Variants in RIMS2 observed in about 807,000 individuals in gnomAD.
RIMS2 encodes the protein regulating synaptic membrane exocytosis protein 2.
A neutral mutation model predicts 174.4 loss-of-function variants in RIMS2; 59 were observed. The observed-to-expected ratio is 0.34, with a 90% CI of 0.27 to 0.42. The LOEUF is 0.42. RIMS2 is among the 10% of genes least tolerant of loss of function. The pLI is 1.00. For missense variants in RIMS2, 1,620 were observed against 1,666.3 expected, an observed-to-expected ratio of 0.97 and a Z score of 0.48; for synonymous variants, 606 against 572.5, an observed-to-expected ratio of 1.06 and a Z score of -0.84.
At chr8:103,609,141 A>G (rs900513588) in intron 1 of RIMS2, among the ~76,000 whole-genome samples, 6 of 152,132 alleles carry the variant, frequency 3.9e-5, no homozygotes, top group Non-Finnish European at 8.8e-5. Flanking sequence ...CTTGTTGGCC[A>G]CATGTATGTC....
At chr8:104,054,354 G>A (rs976272974) in intron 19 of RIMS2, among the ~76,000 whole-genome samples, 2 of 152,078 alleles carry the variant, frequency 1.3e-5, no homozygotes, top group Admixed American at 6.5e-5. Flanking sequence ...ATCAGCGGCA[G>A]CATCTTGGGA....
chr8:103,552,990 T>C (rs1180828258), intron 1 of RIMS2, among the ~76,000 whole-genome samples: 1 of 152,208 alleles, frequency 6.6e-6, no homozygotes, highest in Non-Finnish European at 1.5e-5. Flanking sequence ...ACTTTTACAC[T>C]GTTGGTGGGA....
At chr8:103,623,913 A>G (rs535070902) in intron 1 of RIMS2, among the ~76,000 whole-genome samples, 4 of 151,804 alleles carry the variant, frequency 2.6e-5, no homozygotes, top group African/African-American at 9.7e-5. Flanking sequence ...GCACAAGGGT[A>G]CAAGAGAGAT....
chr8:103,562,304 A>G lies in RIMS2; in HGVS notation c.176+61242A>G, dbSNP rs536875557. 5.3e-5 allele frequency among the ~76,000 whole-genome samples: 8 copies of G among 152,374 alleles called. No homozygotes were observed. In the East Asian group the frequency reaches 1.5e-3, roughly 29 times the overall value. ...CTGTAAAATCAGAAGCAAATTAGTT[A>G]CTTCCTAGATACAGTGGGAGTACAG... On this transcript the variant is annotated intron_variant, in intron 1 of 23. Coordinates refer to ENST00000504942, the Ensembl canonical transcript of RIMS2.
At chr8:103,866,560 C>G (rs532314045) in intron 3 of RIMS2, among the ~76,000 whole-genome samples, 9 of 152,042 alleles carry the variant, frequency 5.9e-5, no homozygotes, top group Non-Finnish European at 1.0e-4. Flanking sequence ...ACAGTCATTT[C>G]TCTTCAGAGA....
intron 3 of RIMS2, among the ~76,000 whole-genome samples, chr8:103,803,568 T>C (rs1224064405): frequency 6.6e-6 from 1 of 152,194 alleles, no homozygotes; most frequent in African/African-American, 2.4e-5. Context: ...TTCTAAGTTA[T>C]GTACAATGAG....
intron 3 of RIMS2, among the ~76,000 whole-genome samples, chr8:103,800,168 C>G (rs959386538): frequency 4.6e-5 from 7 of 152,034 alleles, no homozygotes. Context: ...CACTTTTTAG[C>G]TCTCTGTTCT....
chr8:103,520,550 A>G (rs1320262351), intron 1 of RIMS2, among the ~76,000 whole-genome samples: 3 of 152,150 alleles, frequency 2.0e-5, no homozygotes, highest in East Asian at 3.8e-4. Context: ...ACAGAGTGTC[A>G]TCTTTGCTCT....
At chr8:103,675,567 A>C (rs899998235) in intron 1 of RIMS2, among the ~76,000 whole-genome samples, 4 of 152,188 alleles carry the variant, frequency 2.6e-5, no homozygotes, top group African/African-American at 7.2e-5. Context: ...CCGTCAAATT[A>C]AACAAGTATT....
At chr8:103,765,956 CTAAT>C (rs1268834068) in intron 2 of RIMS2, among the ~76,000 whole-genome samples, 2 of 151,774 alleles carry the variant, frequency 1.3e-5, no homozygotes, top group Non-Finnish European at 2.9e-5. Flanking sequence ...TTAAATAAAA[CTAAT>C]TAAATAATAC....
intron 19 of RIMS2, among the ~76,000 whole-genome samples, chr8:104,241,997 T>C (rs1306862415): frequency 6.6e-6 from 1 of 152,136 alleles, no homozygotes; most frequent in Non-Finnish European, 1.5e-5. Context: ...TGGCCTCAAG[T>C]GATCTGCCTG....
chr8:104,012,957 C>T (rs1043488925), intron 17 of RIMS2, among the ~76,000 whole-genome samples: 4 of 152,090 alleles, frequency 2.6e-5, no homozygotes, highest in Admixed American at 2.6e-4. Flanking sequence ...TTTCTTATAA[C>T]CTCATTTTGA....
intron 1 of RIMS2, among the ~76,000 whole-genome samples, chr8:103,525,861 G>C (rs1322547939): frequency 6.6e-6 from 1 of 152,106 alleles, no homozygotes; most frequent in African/African-American, 2.4e-5. Context: ...TAGGCAATTT[G>C]GACTAACTCT....
chr8:103,501,155 C>T, intron 1 of RIMS2, 93 bp downstream of exon 1: 7 of 1,013,420 alleles, frequency 6.9e-6, no homozygotes, highest in Non-Finnish European at 6.7e-6. Context: ...AGTTCGCCGC[C>T]CTCCCTCCCG....
At chr8:104,179,108 G>T (rs573271288) in intron 19 of RIMS2, among the ~76,000 whole-genome samples, 2 of 152,018 alleles carry the variant, frequency 1.3e-5, no homozygotes, top group African/African-American at 4.8e-5. Context: ...AGAGACAGTG[G>T]CCTTTATTTT....
At chr8:103,795,437 G>C (rs1164795634) in intron 3 of RIMS2, among the ~76,000 whole-genome samples, 1 of 150,564 alleles carries the variant, frequency 6.6e-6, no homozygotes, top group Non-Finnish European at 1.5e-5. Context: ...ATGTTGTGGG[G>C]TGGGGGGAGG....
At chr8:103,797,440 T>C (rs867070704) in intron 3 of RIMS2, among the ~76,000 whole-genome samples, 3 of 152,308 alleles carry the variant, frequency 2.0e-5, no homozygotes, top group Middle Eastern at 3.4e-3. Flanking sequence ...TTAGAATGAA[T>C]TGAACTAAAT....
At chr8:103,696,978 C>A in intron 1 of RIMS2, 108 bp from the exon 4 acceptor site, 1 of 582,822 alleles carries the variant, frequency 1.7e-6, no homozygotes, top group Non-Finnish European at 3.1e-6. Context: ...TCTTTTTATT[C>A]TCATCTTGTA....
intron 19 of RIMS2, among the ~76,000 whole-genome samples, chr8:104,151,055 C>G (rs1356402547): frequency 6.6e-6 from 1 of 151,974 alleles, no homozygotes; most frequent in Non-Finnish European, 1.5e-5. Flanking sequence ...TATGATAATT[C>G]AGACAAAAGA....
Sources: allele counts gnomAD v4.1 joint callset (sites outside exome capture counted in the v4.1 genomes callset), GRCh38; gene constraint gnomAD v4.1.1; transcripts MANE v1.5; gene names NCBI Gene and HGNC (gene_info 2026-07-23, HGNC 2026-07-21).